PROM1: variants seen among roughly 807,000 people sequenced by gnomAD.
The protein encoded by PROM1 is prominin-1.
Under a neutral mutation model 116.9 loss-of-function variants are expected in PROM1, and 105 were observed. That is an observed-to-expected ratio of 0.90 (90% CI 0.77 to 1.06). PROM1 has a LOEUF of 1.06. Ranked by LOEUF, PROM1 falls within the 50% of genes least tolerant of loss-of-function variation. The pLI is 0.00. For missense variants in PROM1, 1,122 were observed against 1,045.2 expected (o/e 1.07, Z -1.01); for synonymous variants, 393 against 387.0 (o/e 1.02, Z -0.18).
In PROM1 at chr4:15,992,347, A is replaced by G. The variant is rs1034820525; in HGVS notation, c.1812T>C (p.Asn604=). 1.2e-6 allele frequency: 2 copies of G among 1,613,824 alleles called. No homozygotes were observed. Among genetic ancestry groups the G allele is most frequent in the African/African-American group, 1.3e-5 (1 of 74,914 alleles). Residue 604 remains asparagine, a synonymous_variant, in exon 17 of 28, where the codon AAT becomes AAC. Transcript: ENST00000447510. ...ISSELESLKV[N]LNIFLLGAAG... is the part of the protein sequence containing the mutation. ...CTGCACCCAACAGAAAGATATTAAG[A>G]TTTACCTTCAGACTTTCCAATTCAC...
intron 2 of PROM1, among the ~76,000 whole-genome samples, chr4:16,056,898 A>G (rs1217975989): frequency 6.6e-6 from 1 of 152,228 alleles, no homozygotes; most frequent in African/African-American, 2.4e-5. Flanking sequence ...GGGAGAGGGC[A>G]GTCCTGGTGG....
At chr4:16,043,523 G>GCTGGAAAGGATGTTGGT (rs1735809724) in intron 2 of PROM1, among the ~76,000 whole-genome samples, 1 of 152,208 alleles carries the variant, frequency 6.6e-6, no homozygotes, top group Non-Finnish European at 1.5e-5. Context: ...CCAGGCCCCT[G>GCTGGAAAGGATGTTGGT]CTGGAAAGGA....
chr4:16,012,465 C>T (rs939080000), intron 11 of PROM1, among the ~76,000 whole-genome samples: 3 of 152,154 alleles, frequency 2.0e-5, no homozygotes, highest in Admixed American at 2.0e-4. Context: ...TCTGTCTCTC[C>T]AAAATTGTAA....
chr4:15,999,561 G>A (rs1421996721), intron 14 of PROM1, among the ~76,000 whole-genome samples: 1 of 152,112 alleles, frequency 6.6e-6, no homozygotes, highest in Non-Finnish European at 1.5e-5. Flanking sequence ...CGCTTGAGAA[G>A]TAGAAATGGT....
At chr4:16,080,895 G>T (rs1744909614) in intron 1 of PROM1, among the ~76,000 whole-genome samples, 3 of 152,150 alleles carry the variant, frequency 2.0e-5, no homozygotes, top group South Asian at 2.1e-4. Context: ...CACATCCAGG[G>T]TCCTGTTCTG....
chr4:16,025,318 G>C lies in PROM1; in HGVS notation c.510-6C>G. ...AACCATAGAAGATGCCAATGCTGCA[G>C]GAAAAGGCAGAGAGAAGAAAGAGCA... On this transcript the variant is annotated splice_polypyrimidine_tract_variant and splice_region_variant and intron_variant, in intron 5 of 27. Coordinates refer to ENST00000447510, the MANE Select transcript of PROM1 (RefSeq NM_006017.3). The C allele has an allele frequency of 6.2e-7, 1 of 1,613,572 alleles. No individual in the cohort carries two copies. The highest frequency in any genetic ancestry group is 8.5e-7 in the Non-Finnish European group (1 of 1,179,600).
intron 19 of PROM1, 56 bp from the exon 20 acceptor site, chr4:15,987,772 T>C (rs1719835487): frequency 2.1e-6 from 3 of 1,428,640 alleles, no homozygotes; most frequent in African/African-American, 1.4e-5. Flanking sequence ...CAAGATCACA[T>C]ACCTTGTGTC....
chr4:15,986,143 A>AT (rs1719353668), intron 20 of PROM1, 106 bp from the exon 21 acceptor site: 2 of 745,892 alleles, frequency 2.7e-6, no homozygotes, highest in Non-Finnish European at 4.4e-6. Flanking sequence ...CAACACCACG[A>AT]CCTGGACCTG....
intron 2 of PROM1, among the ~76,000 whole-genome samples, chr4:16,063,377 CT>C (rs1740795889): frequency 2.0e-5 from 3 of 152,192 alleles, no homozygotes; most frequent in Admixed American, 2.0e-4. Flanking sequence ...CAGGGGATCA[CT>C]TGAGGTCAGG....
chr4:15,984,692 T>A (rs1448870094), intron 22 of PROM1, among the ~76,000 whole-genome samples: 1 of 152,230 alleles, frequency 6.6e-6, no homozygotes, highest in Non-Finnish European at 1.5e-5. Context: ...AACCCTATTG[T>A]GGAACTGCAC....
intron 23 of PROM1, 78 bp downstream of exon 23, chr4:15,984,185 A>G: frequency 8.6e-7 from 1 of 1,162,814 alleles, no homozygotes; most frequent in Non-Finnish European, 1.3e-6. Flanking sequence ...AACAAATATT[A>G]TAATGTATAT....
intron 8 of PROM1, among the ~76,000 whole-genome samples, chr4:16,022,903 A>G (rs1560508615): frequency 2.6e-5 from 4 of 152,174 alleles, no homozygotes; most frequent in Non-Finnish European, 4.4e-5. Context: ...CGTCTTCTGT[A>G]TCAGGGTCAA....
intron 10 of PROM1, among the ~76,000 whole-genome samples, chr4:16,014,469 A>T (rs1204618063): frequency 1.3e-5 from 2 of 152,170 alleles, no homozygotes; most frequent in Non-Finnish European, 2.9e-5. Context: ...GAGTGCAAAG[A>T]CCAAGAAATT....
intron 2 of PROM1, among the ~76,000 whole-genome samples, chr4:16,049,781 T>A (rs915358077): frequency 6.6e-6 from 1 of 151,960 alleles, no homozygotes; most frequent in African/African-American, 2.4e-5. Context: ...ATGAACAAGA[T>A]GATGAATTTT....
chr4:15,990,215 A>G (rs1218020379), intron 18 of PROM1, among the ~76,000 whole-genome samples: 1 of 152,224 alleles, frequency 6.6e-6, no homozygotes, highest in Non-Finnish European at 1.5e-5. Context: ...GGTAGATACC[A>G]TTACCCCATT....
At chr4:16,003,073 C>A (rs1009898559) in intron 13 of PROM1, among the ~76,000 whole-genome samples, 10 of 152,202 alleles carry the variant, frequency 6.6e-5, no homozygotes, top group Non-Finnish European at 1.2e-4. Flanking sequence ...TGCTGACTAA[C>A]CCCTGATTTG....
At chr4:16,076,877 T>C (rs960743773) in intron 1 of PROM1, among the ~76,000 whole-genome samples, 9 of 152,232 alleles carry the variant, frequency 5.9e-5, no homozygotes, top group African/African-American at 9.6e-5. Context: ...GTTAAACAGA[T>C]GCTTGAAGGC....
chr4:16,043,005 ATTAAG>A (rs1735695495), intron 2 of PROM1, among the ~76,000 whole-genome samples: 1 of 152,256 alleles, frequency 6.6e-6, no homozygotes, highest in Non-Finnish European at 1.5e-5. Flanking sequence ...TTTTAACAAA[ATTAAG>A]TTATTTATGG....
At chr4:15,980,301 AC>A in intron 24 of PROM1, 120 bp downstream of exon 24, 1 of 654,024 alleles carries the variant, frequency 1.5e-6, no homozygotes, top group Non-Finnish European at 2.5e-6. Flanking sequence ...CCCAACTACT[AC>A]TAAAAAAAAA....
Sources: allele counts gnomAD v4.1 joint callset (sites outside exome capture counted in the v4.1 genomes callset), GRCh38; gene constraint gnomAD v4.1.1; transcripts MANE v1.5; gene names NCBI Gene and HGNC (gene_info 2026-07-23, HGNC 2026-07-21).